Variants in VPS13C observed in about 807,000 individuals in gnomAD.
VPS13C encodes the protein intermembrane lipid transfer protein VPS13C.
A neutral mutation model predicts 456.8 loss-of-function variants in VPS13C; 358 were observed. The observed-to-expected ratio is 0.78, with a 90% confidence interval of 0.72 to 0.86. The LOEUF (loss-of-function observed/expected upper bound fraction) is 0.86, where lower values mean the gene tolerates loss of function less well. VPS13C is among the 40% of genes least tolerant of loss of function. The probability of loss-of-function intolerance (pLI) is 0.00; values close to 1 mark genes in which losing one functional copy is unlikely to be tolerated. For missense variants in VPS13C, 4,818 were observed against 4,385.4 expected, an observed-to-expected ratio of 1.10 and a Z score of -2.79; for synonymous variants, 1,578 against 1,486.7, an observed-to-expected ratio of 1.06 and a Z score of -1.41.
intron 18 of VPS13C, among the ~76,000 whole-genome samples, 162 bp downstream of exon 18, chr15:61,990,837 GA>G (rs2046201972): frequency 6.6e-6 from 1 of 152,164 alleles, no homozygotes; most frequent in Admixed American, 6.5e-5. Context: ...TAAAGTTAGA[GA>G]GAGAATTTTA....
At chr15:61,982,607 C>T in intron 20 of VPS13C, 34 bp from the exon 21 acceptor site, 2 of 1,448,598 alleles carry the variant, frequency 1.4e-6, no homozygotes, top group African/African-American at 1.4e-5. Flanking sequence ...AACCAAGTTA[C>T]ACATGGTTCT....
intron 45 of VPS13C, among the ~76,000 whole-genome samples, chr15:61,942,461 TG>T (rs1218914870): frequency 6.6e-6 from 1 of 151,682 alleles, no homozygotes; most frequent in African/African-American, 2.4e-5. Flanking sequence ...TCTCCAAAAT[TG>T]GGTTCAATTC....
At chr15:62,036,772 G>C (rs981254693) in intron 3 of VPS13C, among the ~76,000 whole-genome samples, 1 of 151,750 alleles carries the variant, frequency 6.6e-6, no homozygotes, top group African/African-American at 2.4e-5. Flanking sequence ...CTCTCAGAAA[G>C]GTCCTAGAAT....
At position 61,949,605 on chromosome 15, in the gene VPS13C, C is replaced by A. The variant is rs1307491199; in HGVS notation, c.4597G>T (p.Val1533Phe). 6.3e-7 allele frequency: 1 copy of A among 1,590,664 alleles called. No homozygotes were observed. The highest frequency in any genetic ancestry group is 8.5e-7 in the Non-Finnish European group (1 of 1,174,332). Residue 1533 changes from valine to phenylalanine, a missense_variant and splice_region_variant, in exon 42 of 85, where the codon GTT (valine) becomes TTT (phenylalanine). Physicochemically the swap from Val to Phe is conservative, Grantham distance 50 (BLOSUM62 -1). Transcript: ENST00000644861. The part of the protein sequence containing the change: ...IHDSTKQRLK[V>F]SFASLDLVLH... ...ACTAAGTCTAAGGATGCAAATGAAACCTAAGATAATGAACAATTAAAGAGG... is the reference window on the plus strand; with the variant it reads ...ACTAAGTCTAAGGATGCAAATGAAAACTAAGATAATGAACAATTAAAGAGG...
At position 61,978,629 on chromosome 15, in the gene VPS13C, C is replaced by T; in HGVS notation, c.2287G>A (p.Ala763Thr). 6.2e-7 allele frequency: 1 copy of T among 1,610,248 alleles called. No individual in the cohort carries two copies. Among genetic ancestry groups the T allele is most frequent in the Non-Finnish European group, 8.5e-7 (1 of 1,178,666 alleles). Reference protein sequence around the residue: ...IKNVQLLFARAEETWKKCRFQ... With the variant: ...IKNVQLLFARTEETWKKCRFQ... ...TAAAAGCTGAATAACGGTTTACCTG[C>T]TCTTGCAAAAAGTAGTTGTACATTT... The change falls in exon 23 of 85, where the codon GCA (alanine) becomes ACA (threonine). Residue 763 changes from alanine (A) to threonine (T), a missense_variant. Ala to Thr is a moderately conservative substitution (Grantham distance 58). Transcript: ENST00000644861.
intron 63 of VPS13C, among the ~76,000 whole-genome samples, chr15:61,910,875 A>C (rs1398512528): frequency 6.6e-6 from 1 of 152,166 alleles, no homozygotes; most frequent in East Asian, 1.9e-4. Flanking sequence ...CTGTTATAGA[A>C]TACTAAGTAA....
At chr15:61,979,533 A>T (rs934908129) in intron 22 of VPS13C, among the ~76,000 whole-genome samples, 5 of 152,228 alleles carry the variant, frequency 3.3e-5, no homozygotes, top group Non-Finnish European at 5.9e-5. Context: ...GCCCCAAAGA[A>T]ATTAGCAGTT....
rs376504259 is a variant in VPS13C, at chr15:61,915,738, C to G, written c.8340G>C (p.Arg2780=). ...SPYWLINKTT[R]VLQYRSEDIH... Reference sequence around the variant, plus strand: ...TATCTTCTGAACGATACTGGAGAACCCGGGTAGTCTTGTTGATTAACCAAT... The same window carrying G: ...TATCTTCTGAACGATACTGGAGAACGCGGGTAGTCTTGTTGATTAACCAAT... Residue 2780 remains arginine (R), a synonymous_variant, in exon 61 of 85, where the codon CGG becomes CGC. Transcript: ENST00000644861. 2.5e-6 allele frequency: 4 copies of G among 1,613,948 alleles called. No homozygotes were observed. The Admixed American group carries it at 5.0e-5, about 20-fold the overall frequency.
chr15:62,041,521 A>G (rs1293847148), intron 2 of VPS13C, among the ~76,000 whole-genome samples, 155 bp from the exon 3 acceptor site: 1 of 152,164 alleles, frequency 6.6e-6, no homozygotes, highest in Non-Finnish European at 1.5e-5. Context: ...TTTTATAGCC[A>G]AAAAACGTTT....
chr15:61,931,309 T>C (rs1205343042), intron 49 of VPS13C, 50 bp from the exon 50 acceptor site: 62 of 1,483,604 alleles, frequency 4.2e-5, no homozygotes, highest in Non-Finnish European at 5.5e-5. Context: ...AAATATTATA[T>C]AATTACTTTT....
At chr15:62,051,869 C>A (rs752771135) in intron 1 of VPS13C, among the ~76,000 whole-genome samples, 1 of 152,102 alleles carries the variant, frequency 6.6e-6, no homozygotes, top group South Asian at 2.1e-4. Context: ...TTTTAAAAAT[C>A]TATTTTTTTC....
intron 37 of VPS13C, among the ~76,000 whole-genome samples, chr15:61,957,409 C>A (rs936307857): frequency 6.6e-6 from 1 of 152,016 alleles, no homozygotes; most frequent in Non-Finnish European, 1.5e-5. Context: ...TGCAAAAATT[C>A]ACTGAATAGT....
At chr15:62,029,423 C>T (rs2047739395) in intron 5 of VPS13C, among the ~76,000 whole-genome samples, 1 of 152,052 alleles carries the variant, frequency 6.6e-6, no homozygotes, top group South Asian at 2.1e-4. Context: ...TAGCTGATCC[C>T]ACAGATGCTC....
In VPS13C at chr15:61,874,892, G is replaced by C; in HGVS notation, c.10398C>G (p.Leu3466=). The change falls in exon 77 of 85, where the codon CTC becomes CTG. Residue 3466 remains leucine, a synonymous_variant. Coordinates refer to ENST00000644861, the MANE Select transcript of VPS13C (RefSeq NM_020821.3). The stretch of plus-strand genomic sequence containing the variant: ...GATACATACCTACTGTGTGTCCAAA[G>C]AGGCTTCTCACTCCAATCACTAACC... ...AEGLVIGVRS[L]FGHTVGGAAG... 1 of 1,593,600 alleles carries C rather than the reference G, an allele frequency of 6.3e-7. No individual in the cohort carries two copies. Among genetic ancestry groups the C allele is most frequent in the Non-Finnish European group, 8.5e-7 (1 of 1,171,176 alleles).
rs1596388939 is a variant in VPS13C at position 61,962,665 on chromosome 15, T to C, written c.3435+84A>G. On this transcript the variant is annotated intron_variant, in intron 33 of 84. Coordinates refer to ENST00000644861, the MANE Select transcript of VPS13C (RefSeq NM_020821.3). Reference sequence around the variant, plus strand: ...TTTCTATTGAAATATATTTCATTAATGTTTTTAAAATAAAATACATTTTAC... The same window carrying C: ...TTTCTATTGAAATATATTTCATTAACGTTTTTAAAATAAAATACATTTTAC... 5 of 1,308,922 alleles carry C rather than the reference T, an allele frequency of 3.8e-6. No individual in the cohort carries two copies. In the East Asian group the frequency reaches 1.3e-4, roughly 34 times the overall value. 81.1% of individuals were successfully genotyped at this position (1,308,922 alleles called of 1,614,324 possible). A position where few individuals can be genotyped will look rare whatever the true frequency, so the allele number is the denominator to read the frequency against.
chr15:62,030,563 T>G (rs762675777), intron 5 of VPS13C, among the ~76,000 whole-genome samples: 6 of 152,122 alleles, frequency 3.9e-5, no homozygotes, highest in Non-Finnish European at 5.9e-5. Context: ...TATTCCTTTA[T>G]AGCAATGCAA....
chr15:61,874,996 G>A, intron 76 of VPS13C, 45 bp from the exon 77 acceptor site: 1 of 1,477,970 alleles, frequency 6.8e-7, no homozygotes, highest in Non-Finnish European at 8.9e-7. Context: ...TAAAATTTAA[G>A]TTTCAGACTT....
At position 61,917,427 on chromosome 15, in the gene VPS13C, C is replaced by T. The variant is rs1352382152; in HGVS notation, c.7969G>A (p.Asp2657Asn). The T allele has an allele frequency of 1.2e-6, 2 of 1,613,996 alleles. No homozygotes were observed. The highest frequency in any genetic ancestry group is 3.3e-5 in the Admixed American group (2 of 60,022). The stretch of plus-strand genomic sequence containing the variant: ...TGAATAATGTAAGCTACATCCCAGT[C>T]TTCCCCATGTGTACATATGTAGCTC... ...ELSYICTHGE[D>N]WDVAYIIHLY... is the part of the protein sequence containing the mutation. The change falls in exon 60 of 85, where the codon GAC becomes AAC. Residue 2657 changes from aspartate (D) to asparagine (N), a missense_variant. By Grantham distance (23) the Asp-to-Asn change is conservative. Coordinates refer to ENST00000644861, the MANE Select transcript of VPS13C (RefSeq NM_020821.3).
chr15:61,994,888 C>T (rs186358862), intron 16 of VPS13C, among the ~76,000 whole-genome samples: 3 of 152,092 alleles, frequency 2.0e-5, no homozygotes, highest in African/African-American at 7.2e-5. Flanking sequence ...ACATCGGCCT[C>T]TATTCAGCTA....
Sources: allele counts gnomAD v4.1 joint callset (sites outside exome capture counted in the v4.1 genomes callset), GRCh38; gene constraint gnomAD v4.1.1; transcripts MANE v1.5; gene names NCBI Gene and HGNC (gene_info 2026-07-23, HGNC 2026-07-21).